Variants in HSD17B7 observed in about 807,000 individuals in gnomAD.
HSD17B7 encodes the protein 3-keto-steroid reductase/17-beta-hydroxysteroid dehydrogenase 7.
In HSD17B7, 17 loss-of-function variants were observed where a neutral mutation model predicts 34.1. That is an observed-to-expected ratio of 0.50 (90% CI 0.34 to 0.75). The LOEUF (loss-of-function observed/expected upper bound fraction) is 0.75, where lower values mean the gene tolerates loss of function less well. Ranked by LOEUF, HSD17B7 falls within the 30% of genes least tolerant of loss-of-function variation. The pLI, the probability that HSD17B7 is intolerant of heterozygous loss-of-function variation, is 0.01. For missense variants in HSD17B7, 296 were observed against 406.6 expected (o/e 0.73, Z 2.34); for synonymous variants, 122 against 154.6 (o/e 0.79, Z 1.56).
chr1:162,803,343 A>G lies in HSD17B7; in HGVS notation c.643-88A>G, dbSNP rs1648876424. 5.0e-5 allele frequency: 65 copies of G among 1,301,496 alleles called. 1 individual carries two copies. The South Asian group carries it at 8.3e-4, about 17-fold the overall frequency. The allele number at this position is 1,301,496 out of a possible 1,614,324, so 80.6% of individuals were successfully genotyped here. A position where few individuals can be genotyped will look rare whatever the true frequency, so the allele number is the denominator to read the frequency against. ...TTATTACCTGACTTCTGGCTCATGT[A>G]CATACCTCTTTTATTAACTAGCATG... is the stretch of plus-strand genomic sequence containing the variant. On this transcript the variant is annotated intron_variant, in intron 5 of 8. Transcript: ENST00000254521.
Position 162,792,836 on chromosome 1 carries a change from C to G in HSD17B7, c.213C>G (p.Phe71Leu). Reference protein sequence around the residue: ...QVDVSNLQSVFRASKELKQRF... With the variant: ...QVDVSNLQSVLRASKELKQRF... ...ATGTCAGCAACCTGCAGTCGGTCTT[C>G]CGGGCCTCCAAGGAACTTAAGCAAA... Residue 71 changes from phenylalanine to leucine, a missense_variant, in exon 2 of 9, where the codon TTC (phenylalanine) becomes TTG (leucine). Coordinates refer to ENST00000254521, the MANE Select transcript of HSD17B7 (RefSeq NM_016371.4). 1 of 1,614,220 alleles carries G rather than the reference C, an allele frequency of 6.2e-7. No individual in the cohort carries two copies.
In HSD17B7 at chr1:162,803,509, A is replaced by G. The variant is rs1248593979; in HGVS notation, c.721A>G (p.Thr241Ala). 1.2e-5 allele frequency: 20 copies of G among 1,612,874 alleles called. No individual in the cohort carries two copies. The highest frequency in any genetic ancestry group is 1.6e-4 in the Middle Eastern group (1 of 6,074). ...TGGAATTCTGCCTCCGTTTATATGG[A>G]CGCTGTTGATGCCGGCAATATTGCT... Reference protein sequence around the residue: ...TYGILPPFIWTLLMPAILLLR... With the variant: ...TYGILPPFIWALLMPAILLLR... The change falls in exon 6 of 9, where the codon ACG becomes GCG. Residue 241 changes from threonine (T) to alanine (A), a missense_variant. Transcript: ENST00000254521.
intron 2 of HSD17B7, 49 bp from the exon 3 acceptor site, chr1:162,796,536 T>A: frequency 1.8e-6 from 2 of 1,141,690 alleles, no homozygotes; most frequent in Non-Finnish European, 2.7e-6. Context: ...AATCTTGTCC[T>A]GATGTTTTTA....
intron 8 of HSD17B7, 94 bp downstream of exon 8, chr1:162,805,586 T>C: frequency 3.3e-6 from 5 of 1,529,152 alleles, no homozygotes; most frequent in Non-Finnish European, 4.4e-6. Flanking sequence ...CCAGCTTCGC[T>C]TCTCTGGGTA....
chr1:162,809,363 C>T (rs998357647), intron 8 of HSD17B7, among the ~76,000 whole-genome samples: 9 of 152,088 alleles, frequency 5.9e-5, no homozygotes, highest in Non-Finnish European at 1.0e-4. Flanking sequence ...CTGCTGGATT[C>T]GGTTTGCCAG....
chr1:162,803,937 A>G (rs1648900011), intron 6 of HSD17B7, among the ~76,000 whole-genome samples: 1 of 152,216 alleles, frequency 6.6e-6, no homozygotes, highest in South Asian at 2.1e-4. Flanking sequence ...TTGTGATTTG[A>G]ACGTCTTGCA....
intron 2 of HSD17B7, among the ~76,000 whole-genome samples, chr1:162,794,234 A>AAATGGGTAG (rs1439710682): frequency 6.6e-6 from 1 of 152,218 alleles, no homozygotes; most frequent in Admixed American, 6.5e-5. Flanking sequence ...CAGTAGAATG[A>AAATGGGTAG]AATGGGTAGA....
Position 162,796,620 on chromosome 1 carries a change from G to A in HSD17B7, c.275G>A (p.Gly92Glu). The A allele has an allele frequency of 2.5e-6, 4 of 1,612,408 alleles. No homozygotes were observed. The highest frequency in any genetic ancestry group is 1.3e-5 in the African/African-American group (1 of 74,956). Residue 92 changes from glycine (G) to glutamate (E), a missense_variant, in exon 3 of 9, where the codon GGG becomes GAG. By Grantham distance (98) the Gly-to-Glu change is moderately conservative. Coordinates refer to ENST00000254521, the MANE Select transcript of HSD17B7 (RefSeq NM_016371.4). ...QRLDCIYLNA[G>E]IMPNPQLNIK... is the part of the protein sequence containing the mutation. Reference sequence around the variant, plus strand: ...TTAGACTGTATATATCTAAATGCTGGGATCATGCCTAATCCACAACTAAAT... The same window carrying A: ...TTAGACTGTATATATCTAAATGCTGAGATCATGCCTAATCCACAACTAAAT...
chr1:162,793,653 T>TG (rs1366003284), intron 2 of HSD17B7, among the ~76,000 whole-genome samples: 3 of 152,254 alleles, frequency 2.0e-5, no homozygotes, highest in Admixed American at 6.5e-5. Context: ...TCCTGATGTG[T>TG]GATCAGTTGC....
chr1:162,803,319 T>C, intron 5 of HSD17B7, 112 bp from the exon 6 acceptor site: 1 of 1,139,848 alleles, frequency 8.8e-7, no homozygotes, highest in Non-Finnish European at 1.2e-6. Context: ...ATAAATTCTT[T>C]ATTACCTGAC....
intron 2 of HSD17B7, among the ~76,000 whole-genome samples, chr1:162,794,815 G>A (rs1648545689): frequency 6.6e-6 from 1 of 152,106 alleles, no homozygotes; most frequent in African/African-American, 2.4e-5. Flanking sequence ...AACATTTATA[G>A]TACTGACTAT....
At chr1:162,803,715 C>T (rs534031287) in intron 6 of HSD17B7, among the ~76,000 whole-genome samples, 180 bp downstream of exon 6, 9 of 152,380 alleles carry the variant, frequency 5.9e-5, no homozygotes, top group African/African-American at 2.2e-4. Context: ...TACTGCCACA[C>T]CACCATTTGA....
intron 7 of HSD17B7, among the ~76,000 whole-genome samples, chr1:162,805,136 T>C (rs1217149971): frequency 3.9e-5 from 6 of 152,240 alleles, no homozygotes; most frequent in Non-Finnish European, 8.8e-5. Context: ...TGGAATTGGC[T>C]TTGATGCTCT....
At chr1:162,797,097 C>T (rs1037591396) in intron 3 of HSD17B7, 7 of 173,440 alleles carry the variant, frequency 4.0e-5, no homozygotes, top group African/African-American at 1.7e-4. Flanking sequence ...GGGAGATTCT[C>T]GTTACTCATT....
chr1:162,799,574 T>C, intron 4 of HSD17B7, 169 bp from the exon 5 acceptor site: 1 of 586,454 alleles, frequency 1.7e-6, no homozygotes. Flanking sequence ...CATGTATGTA[T>C]ACATATCTAT....
At chr1:162,810,777 C>T (rs1393566913) in intron 8 of HSD17B7, among the ~76,000 whole-genome samples, 1 of 151,980 alleles carries the variant, frequency 6.6e-6, no homozygotes, top group African/African-American at 2.4e-5. Flanking sequence ...CAACCCCTGC[C>T]TTTTTTTGTT....
chr1:162,805,573 C>T, intron 8 of HSD17B7, 81 bp downstream of exon 8: 2 of 1,550,668 alleles, frequency 1.3e-6, no homozygotes, highest in Non-Finnish European at 1.7e-6. Flanking sequence ...GCCCCTCAGC[C>T]CCCCAGCTTC....
intron 4 of HSD17B7, 140 bp from the exon 5 acceptor site, chr1:162,799,603 C>T (rs1238566869): frequency 3.3e-6 from 2 of 601,540 alleles, no homozygotes; most frequent in Admixed American, 3.0e-5. Context: ...TTCTGTGTAA[C>T]TAATTCATGT....
chr1:162,794,812 A>G (rs1051230247), intron 2 of HSD17B7, among the ~76,000 whole-genome samples: 2 of 152,206 alleles, frequency 1.3e-5, no homozygotes, highest in African/African-American at 2.4e-5. Flanking sequence ...TTTAACATTT[A>G]TAGTACTGAC....
Sources: allele counts gnomAD v4.1 joint callset (sites outside exome capture counted in the v4.1 genomes callset), GRCh38; gene constraint gnomAD v4.1.1; transcripts MANE v1.5; gene names NCBI Gene and HGNC (gene_info 2026-07-23, HGNC 2026-07-21).